Variants in UNC5D observed in about 807,000 individuals in gnomAD.
The protein encoded by UNC5D is unc-5 netrin receptor D.
A neutral mutation model predicts 105.4 loss-of-function variants in UNC5D; 39 were observed. That is an observed-to-expected ratio of 0.37 (90% CI 0.29 to 0.48). The LOEUF (loss-of-function observed/expected upper bound fraction) is 0.48. Among genes scored for constraint, UNC5D ranks in the 20% least tolerant of loss-of-function variants. UNC5D has a pLI of 0.98. For synonymous variants in UNC5D, 452 were observed against 450.4 expected, an observed-to-expected ratio of 1.00 and a Z score of -0.04; for missense variants, 991 against 1,202.4, an observed-to-expected ratio of 0.82 and a Z score of 2.60.
At chr8:35,340,161 G>A (rs926829898) in intron 1 of UNC5D, among the ~76,000 whole-genome samples, 1 of 152,110 alleles carries the variant, frequency 6.6e-6, no homozygotes, top group African/African-American at 2.4e-5. Flanking sequence ...CCAGATGATG[G>A]GAAGAGGATT....
At chr8:35,464,579 T>G (rs923203234) in intron 1 of UNC5D, among the ~76,000 whole-genome samples, 18 of 152,210 alleles carry the variant, frequency 1.2e-4, no homozygotes, top group Admixed American at 9.8e-4. Context: ...TTTCTTTCCT[T>G]AAGCTTTCTT....
chr8:35,490,256 A>G (rs1342180348), intron 1 of UNC5D, among the ~76,000 whole-genome samples: 1 of 152,204 alleles, frequency 6.6e-6, no homozygotes, highest in Non-Finnish European at 1.5e-5. Flanking sequence ...TAATCCCAGC[A>G]CTTTGGGAGG....
chr8:35,371,538 A>G (rs189344611), intron 1 of UNC5D, among the ~76,000 whole-genome samples: 17 of 152,262 alleles, frequency 1.1e-4, no homozygotes, highest in Admixed American at 2.6e-4. Context: ...TCTAGTAAAC[A>G]CCTGCTGTAG....
At chr8:35,405,778 C>A (rs180725552) in intron 1 of UNC5D, among the ~76,000 whole-genome samples, 2 of 152,168 alleles carry the variant, frequency 1.3e-5, no homozygotes, top group East Asian at 1.9e-4. Flanking sequence ...CTCTGACCAG[C>A]TTTTAGCACT....
intron 1 of UNC5D, among the ~76,000 whole-genome samples, chr8:35,316,155 G>C (rs1169754088): frequency 6.6e-6 from 1 of 152,138 alleles, no homozygotes; most frequent in Non-Finnish European, 1.5e-5. Context: ...TAGCTGTATT[G>C]TTTTATTTAA....
intron 1 of UNC5D, among the ~76,000 whole-genome samples, chr8:35,291,805 T>A (rs1340991051): frequency 6.6e-6 from 1 of 152,214 alleles, no homozygotes; most frequent in Non-Finnish European, 1.5e-5. Flanking sequence ...GAGTGCCACA[T>A]TTTTTGTAAA....
intron 1 of UNC5D, among the ~76,000 whole-genome samples, chr8:35,492,121 C>G (rs1046786293): frequency 6.7e-6 from 1 of 149,712 alleles, no homozygotes; most frequent in Non-Finnish European, 1.5e-5. Flanking sequence ...CCTGCCTTTC[C>G]TAGGGTCCAA....
chr8:35,298,856 A>C (rs770466359), intron 1 of UNC5D, among the ~76,000 whole-genome samples: 1 of 152,244 alleles, frequency 6.6e-6, no homozygotes, highest in African/African-American at 2.4e-5. Flanking sequence ...CTTGAACATT[A>C]ACAAAGTGAT....
chr8:35,240,694 G>A (rs1178963122), intron 1 of UNC5D, among the ~76,000 whole-genome samples: 1 of 152,046 alleles, frequency 6.6e-6, no homozygotes, highest in Non-Finnish European at 1.5e-5. Flanking sequence ...CAATTTTTCT[G>A]AACTATGCAG....
chr8:35,676,666 G>T (rs955955842), intron 4 of UNC5D, among the ~76,000 whole-genome samples: 2 of 152,170 alleles, frequency 1.3e-5, no homozygotes, highest in Non-Finnish European at 2.9e-5. Flanking sequence ...ATTGGATATA[G>T]GTTCAAAAGT....
intron 1 of UNC5D, among the ~76,000 whole-genome samples, chr8:35,314,026 G>A (rs1225688465): frequency 6.6e-6 from 1 of 152,060 alleles, no homozygotes; most frequent in African/African-American, 2.4e-5. Context: ...CGAAATTGAT[G>A]GAACATTTGG....
intron 1 of UNC5D, among the ~76,000 whole-genome samples, chr8:35,318,374 G>A (rs1361902649): frequency 6.6e-6 from 1 of 152,042 alleles, no homozygotes; most frequent in Non-Finnish European, 1.5e-5. Context: ...AAAAAAAAGT[G>A]AGAACATGAT....
At chr8:35,484,914 C>A (rs1810730016) in intron 1 of UNC5D, among the ~76,000 whole-genome samples, 1 of 152,138 alleles carries the variant, frequency 6.6e-6, no homozygotes. Context: ...CAAGCAGAGC[C>A]AAGATTCTAA....
At chr8:35,558,844 G>A (rs927713679) in intron 2 of UNC5D, among the ~76,000 whole-genome samples, 7 of 152,096 alleles carry the variant, frequency 4.6e-5, no homozygotes, top group East Asian at 3.9e-4. Context: ...TTAGGTGGTC[G>A]TGATGGCGCA....
chr8:35,695,656 C>T (rs1202200375), intron 7 of UNC5D, among the ~76,000 whole-genome samples: 1 of 151,962 alleles, frequency 6.6e-6, no homozygotes, highest in South Asian at 2.1e-4. Context: ...ACAGGCTTCT[C>T]TCATTCATAA....
intron 6 of UNC5D, 109 bp downstream of exon 6, chr8:35,684,858 TTAGAA>T (rs1825900598): frequency 7.3e-7 from 1 of 1,362,480 alleles, no homozygotes; most frequent in East Asian, 2.5e-5. Flanking sequence ...TCCCAAGTTC[TTAGAA>T]TAGAACATTT....
chr8:35,301,714 T>C (rs1447646854), intron 1 of UNC5D, among the ~76,000 whole-genome samples: 2 of 152,188 alleles, frequency 1.3e-5, no homozygotes, highest in African/African-American at 4.8e-5. Context: ...GTTTGTTACA[T>C]AGGAACGTTA....
At chr8:35,362,202 G>A (rs971974765) in intron 1 of UNC5D, among the ~76,000 whole-genome samples, 6 of 152,120 alleles carry the variant, frequency 3.9e-5, no homozygotes, top group South Asian at 2.1e-4. Flanking sequence ...GTTGCATTTC[G>A]CAATTGAATC....
chr8:35,566,466 C>T (rs1817343203), intron 2 of UNC5D, among the ~76,000 whole-genome samples: 1 of 152,162 alleles, frequency 6.6e-6, no homozygotes, highest in Non-Finnish European at 1.5e-5. Context: ...TAGTTAGGTA[C>T]TTAATTTAAA....
Sources: allele counts gnomAD v4.1 joint callset (sites outside exome capture counted in the v4.1 genomes callset), GRCh38; gene constraint gnomAD v4.1.1; transcripts MANE v1.5; gene names NCBI Gene and HGNC (gene_info 2026-07-23, HGNC 2026-07-21).